Variants in RERGL observed in about 807,000 individuals in gnomAD.
RERGL encodes the protein ras-related and estrogen-regulated growth inhibitor-like protein.
Under a neutral mutation model 24.7 loss-of-function variants are expected in RERGL, and 22 were observed. That is an observed-to-expected ratio of 0.89 (90% CI 0.64 to 1.27). RERGL has a LOEUF of 1.27. RERGL is among the 50% of genes most tolerant of loss of function. The probability of loss-of-function intolerance (pLI) is 0.00; values close to 1 mark genes in which losing one functional copy is unlikely to be tolerated. For missense variants in RERGL, 259 were observed against 235.3 expected, an observed-to-expected ratio of 1.10 and a Z score of -0.66; for synonymous variants, 76 against 82.6, an observed-to-expected ratio of 0.92 and a Z score of 0.43.
At chr12:18,085,421 A>G in intron 3 of RERGL, among the ~76,000 whole-genome samples, 199 bp downstream of exon 3, 1 of 152,196 alleles carries the variant, frequency 6.6e-6, no homozygotes, top group East Asian at 1.9e-4. Flanking sequence ...ACATGAACTT[A>G]CAGACGTGCT....
rs1947172725 is a variant in RERGL at position 18,081,536 on chromosome 12, A to AC, written c.333-64_333-63insG. 2.2e-6 allele frequency: 3 copies of AC among 1,377,178 alleles called. 1 individual carries two copies. In the South Asian group the frequency reaches 4.5e-5, roughly 21 times the overall value. 85.3% of individuals were successfully genotyped at this position (1,377,178 alleles called of 1,614,324 possible). A position where few individuals can be genotyped will look rare whatever the true frequency, so the allele number is the denominator to read the frequency against. ...TAACAACTCTTTTTTTTAAAAAAAA[A>AC]AAAAAAACAGATTTATAACCAAAGG... On this transcript the variant is annotated intron_variant, in intron 4 of 4. Transcript: ENST00000538724.
Position 18,080,947 on chromosome 12 carries a change from G to A in RERGL, c.*244C>T. The A allele has an allele frequency of 6.2e-6, 2 of 322,604 alleles. No homozygotes were observed. Among genetic ancestry groups the A allele is most frequent in the Non-Finnish European group, 1.1e-5 (2 of 176,270 alleles). 20.0% of individuals were successfully genotyped at this position (322,604 alleles called of 1,614,324 possible). ...AACTGGGATCGCTGTCCGCCAGTAG[G>A]TTAGGGTGAGTGTGATGTTGTACAA... On this transcript the variant is annotated 3_prime_UTR_variant, in exon 5 of 5. Transcript: ENST00000538724.
rs1471481632 is a variant in RERGL at position 18,081,232 on chromosome 12, A to G, written c.574T>C (p.Leu192=). The G allele has an allele frequency of 6.2e-7, 1 of 1,608,656 alleles. No homozygotes were observed. Among genetic ancestry groups the G allele is most frequent in the South Asian group, 1.1e-5 (1 of 90,998 alleles). The part of the protein sequence containing the change: ...RPSGSKSMAK[L]INNVFGKRRK... ...CTCTTTCCAAATACATTATTGATCA[A>G]TTTGGCCATTGATTTAGATCCACTG... Residue 192 remains leucine (L), a synonymous_variant, in exon 5 of 5, where the codon TTG becomes CTG. Coordinates refer to ENST00000538724, the MANE Select transcript of RERGL (RefSeq NM_001286201.2).
Position 18,084,568 on chromosome 12 carries a change from G to A in RERGL, c.281C>T (p.Ala94Val), listed in dbSNP as rs1419170867. The change falls in exon 4 of 5, where the codon GCA (alanine) becomes GTA (valine). Residue 94 changes from alanine to valine, a missense_variant. Physicochemically the swap from Ala to Val is moderately conservative, Grantham distance 64. Transcript: ENST00000538724. ...DISDRSSFAFAKALIYRIREP... is the reference protein window; with the variant it reads ...DISDRSSFAFVKALIYRIREP... Reference sequence around the variant, plus strand: ...CCGGATTCTGTAGATCAGCGCTTTTGCAAAAGCAAATGAAGACCTATCACT... The same window carrying A: ...CCGGATTCTGTAGATCAGCGCTTTTACAAAAGCAAATGAAGACCTATCACT... 15 of 1,611,852 alleles carry A rather than the reference G, an allele frequency of 9.3e-6. No homozygotes were observed. Among genetic ancestry groups the A allele is most frequent in the Non-Finnish European group, 1.3e-5 (15 of 1,179,144 alleles).
rs1206071806 is a variant in RERGL, at chr12:18,085,579, C to A, written c.183+41G>T. The A allele has an allele frequency of 3.1e-6, 4 of 1,272,834 alleles. No individual in the cohort carries two copies. The South Asian group carries it at 5.1e-5, about 16-fold the overall frequency. The allele number at this position is 1,272,834 out of a possible 1,614,324, so 78.8% of individuals were successfully genotyped here. On this transcript the variant is annotated intron_variant, in intron 3 of 4. Transcript: ENST00000538724. Reference sequence around the variant, plus strand: ...AAATCATAATTGCTAAAAAATCAATCAATAAATAAATCAATAAAAAAGGTG... The same window carrying A: ...AAATCATAATTGCTAAAAAATCAATAAATAAATAAATCAATAAAAAAGGTG...
At chr12:18,087,984 A>G (rs1370845154) in intron 2 of RERGL, among the ~76,000 whole-genome samples, 2 of 152,166 alleles carry the variant, frequency 1.3e-5, no homozygotes, top group Non-Finnish European at 2.9e-5. Context: ...AATGTAATAT[A>G]TTAAAGCTAT....
chr12:18,089,405 A>C (rs956774170), intron 1 of RERGL: 27 of 1,344,646 alleles, frequency 2.0e-5, no homozygotes, highest in Non-Finnish European at 2.4e-5. Context: ...CAGGAAATAG[A>C]AAAAGAACCT....
intron 1 of RERGL, chr12:18,089,367 T>G: frequency 7.1e-7 from 1 of 1,417,460 alleles, no homozygotes; most frequent in Non-Finnish European, 9.2e-7. Context: ...TATTTGCAGT[T>G]ATTTAAGGAT....
chr12:18,088,978 T>C, intron 1 of RERGL, 22 bp from the exon 2 acceptor site: 1 of 1,583,796 alleles, frequency 6.3e-7, no homozygotes, highest in Non-Finnish European at 8.7e-7. Context: ...ACAATCTAGA[T>C]TTAGGGCTGT....
chr12:18,088,840 G>C (rs2136834844), intron 2 of RERGL, 60 bp downstream of exon 2: 2 of 1,026,610 alleles, frequency 1.9e-6, no homozygotes, highest in East Asian at 4.8e-5. Flanking sequence ...CTGTACTTAA[G>C]TGGGATTTAA....
chr12:18,082,143 C>CAAAA lies in RERGL; in HGVS notation c.333-674_333-671dup, dbSNP rs529778796. Among the ~76,000 whole-genome samples, 63 of 121,052 alleles carry CAAAA rather than the reference C, an allele frequency of 5.2e-4. 1 individual carries two copies. The highest frequency in any genetic ancestry group is 1.6e-3 in the African/African-American group (53 of 32,440). The allele number at this position is 121,052 out of a possible 152,430, so 79.4% of individuals were successfully genotyped here. A position where few individuals can be genotyped will look rare whatever the true frequency, so the allele number is the denominator to read the frequency against. On this transcript the variant is annotated intron_variant, in intron 4 of 4. Coordinates refer to ENST00000538724, the MANE Select transcript of RERGL (RefSeq NM_001286201.2). Reference sequence around the variant, plus strand: ...TAACAGAGCAAGACTTTGTCTCAACCAAAAAAAAAAAAAAAAGAATGAGAG... The same window carrying CAAAA: ...TAACAGAGCAAGACTTTGTCTCAACCAAAAAAAAAAAAAAAAAAAAGAATGAGAG...
At position 18,090,141 on chromosome 12, in the gene RERGL, C is replaced by T. The variant is rs1947256448; in HGVS notation, c.-1G>A. The T allele has an allele frequency of 9.8e-6, 15 of 1,531,608 alleles. No homozygotes were observed. Among genetic ancestry groups the T allele is most frequent in the Non-Finnish European group, 1.3e-5 (15 of 1,145,150 alleles). The allele number at this position is 1,531,608 out of a possible 1,614,324, so 94.9% of individuals were successfully genotyped here. On this transcript the variant is annotated 5_prime_UTR_variant, in exon 1 of 5. Coordinates refer to ENST00000538724, the MANE Select transcript of RERGL (RefSeq NM_001286201.2). The stretch of plus-strand genomic sequence containing the variant: ...AGACAGCAAGCTTCACATCATTCAT[C>T]TTGCTTTTCTGCTTCTTGGTCAGTC...
In RERGL at chr12:18,088,973, C is replaced by T; in HGVS notation, c.53-17G>A. 1.3e-6 allele frequency: 2 copies of T among 1,597,546 alleles called. No individual in the cohort carries two copies. Among genetic ancestry groups the T allele is most frequent in the Non-Finnish European group, 1.7e-6 (2 of 1,165,418 alleles). On this transcript the variant is annotated splice_polypyrimidine_tract_variant and intron_variant, in intron 1 of 4. Coordinates refer to ENST00000538724, the MANE Select transcript of RERGL (RefSeq NM_001286201.2). Reference sequence around the variant, plus strand: ...CTGTAAGGGCTGCAAAGCAAACAATCTAGATTTAGGGCTGTTATATTTTAG... The same window carrying T: ...CTGTAAGGGCTGCAAAGCAAACAATTTAGATTTAGGGCTGTTATATTTTAG...
chr12:18,086,024 ATTTT>A (rs577015041), intron 2 of RERGL, among the ~76,000 whole-genome samples: 15,802 of 124,936 alleles, frequency 0.13, 769 homozygotes, highest in African/African-American at 0.19. Flanking sequence ...CGCCTGGCCA[ATTTT>A]TTTTTTTTTT....
At chr12:18,083,965 T>C (rs1724171764) in intron 4 of RERGL, among the ~76,000 whole-genome samples, 1 of 152,188 alleles carries the variant, frequency 6.6e-6, no homozygotes, top group Non-Finnish European at 1.5e-5. Context: ...CATGTCTTCC[T>C]TCATAGTTCC....
chr12:18,081,652 A>G (rs1251788911), intron 4 of RERGL, among the ~76,000 whole-genome samples, 179 bp from the exon 5 acceptor site: 1 of 152,132 alleles, frequency 6.6e-6, no homozygotes, highest in African/African-American at 2.4e-5. Flanking sequence ...ACTTAAAATC[A>G]TTTTAGATAA....
At chr12:18,088,601 A>C (rs1028690018) in intron 2 of RERGL, among the ~76,000 whole-genome samples, 2 of 152,072 alleles carry the variant, frequency 1.3e-5, no homozygotes, top group African/African-American at 4.8e-5. Flanking sequence ...ACCTTACAAG[A>C]AATATTCAGT....
intron 1 of RERGL, among the ~76,000 whole-genome samples, chr12:18,089,654 AAAATACAATCCAC>A (rs1203047790): frequency 7.9e-5 from 12 of 152,134 alleles, no homozygotes; most frequent in Non-Finnish European, 1.6e-4. Context: ...TGCTACATTT[AAAATACAATCCAC>A]AAACCTCCAA....
At chr12:18,081,559 AGGATTATAAATC>A in intron 4 of RERGL, 86 bp from the exon 5 acceptor site, 5 of 1,251,900 alleles carry the variant, frequency 4.0e-6, no homozygotes, top group Non-Finnish European at 5.4e-6. Context: ...TTATAACCAA[AGGATTATAAATC>A]AAAAAAGAAA....
Sources: gnomAD v4.1 joint callset for allele counts (sites outside exome capture counted in the v4.1 genomes callset) on GRCh38, gnomAD v4.1.1 for gene constraint, MANE v1.5 for transcripts, NCBI Gene and HGNC (gene_info 2026-07-23, HGNC 2026-07-21) for gene names.